GRM7: variants seen among roughly 807,000 people sequenced by gnomAD.
The protein encoded by GRM7 is glutamate metabotropic receptor 7.
GRM7 carries 35 observed loss-of-function variants against 84.5 expected under a neutral mutation model. The observed-to-expected ratio is 0.41, with a 90% confidence interval of 0.32 to 0.55. GRM7 has a LOEUF of 0.55. GRM7 is among the 20% of genes least tolerant of loss of function. The pLI is 0.19. For missense variants in GRM7, 1,003 were observed against 1,194.6 expected (o/e 0.84, Z 2.36); for synonymous variants, 487 against 455.1 (o/e 1.07, Z -0.89).
chr3:7,177,897 A>G (rs1461768847), intron 2 of GRM7, among the ~76,000 whole-genome samples: 1 of 152,210 alleles, frequency 6.6e-6, no homozygotes, highest in Non-Finnish European at 1.5e-5. Flanking sequence ...TTAAAATTTC[A>G]ATAGTAATGT....
At chr3:7,398,890 T>C (rs1695329299) in intron 4 of GRM7, among the ~76,000 whole-genome samples, 1 of 152,042 alleles carries the variant, frequency 6.6e-6, no homozygotes, top group African/African-American at 2.4e-5. Flanking sequence ...TCCTCCCTCT[T>C]TCTACTTCTC....
chr3:6,921,216 G>T (rs908416427), intron 1 of GRM7, among the ~76,000 whole-genome samples: 2 of 152,232 alleles, frequency 1.3e-5, no homozygotes, highest in African/African-American at 4.8e-5. Flanking sequence ...TTGGGAGCAT[G>T]CCCAATGTGA....
intron 1 of GRM7, among the ~76,000 whole-genome samples, chr3:6,998,463 A>G (rs1028805389): frequency 1.3e-5 from 2 of 152,080 alleles, no homozygotes; most frequent in Admixed American, 1.3e-4. Flanking sequence ...CAGTGGATCT[A>G]CCATTCTGAG....
intron 7 of GRM7, among the ~76,000 whole-genome samples, chr3:7,517,487 G>A (rs1700436491): frequency 6.6e-6 from 1 of 151,958 alleles, no homozygotes; most frequent in South Asian, 2.1e-4. Flanking sequence ...CCACCTCCCG[G>A]GTTCAAGGGA....
chr3:6,966,434 G>A (rs1693521980), intron 1 of GRM7, among the ~76,000 whole-genome samples: 1 of 152,190 alleles, frequency 6.6e-6, no homozygotes, highest in South Asian at 2.1e-4. Flanking sequence ...CTAATAAACA[G>A]AAGCTGTTAT....
Position 6,863,236 on chromosome 3 carries a change from A to G in GRM7, c.519+1329A>G, listed in dbSNP as rs1694824654. On this transcript the variant is annotated intron_variant, in intron 1 of 9. Transcript: ENST00000357716. This position sits in a 1 kb window ranked among gnomAD's most constrained non-coding sequence, Gnocchi z 4.8. ...CTCCGTATTAAAATGACCCTTTTCC[A>G]GTGCATAGCGGCTCTCTCCCTGGCT... Among the ~76,000 whole-genome samples the G allele has an allele frequency of 6.6e-6, 1 of 151,208 alleles. No individual in the cohort carries two copies. Among genetic ancestry groups the G allele is most frequent in the South Asian group, 2.1e-4 (1 of 4,810 alleles).
At chr3:7,698,318 A>G (rs1271119879) in intron 9 of GRM7, among the ~76,000 whole-genome samples, 1 of 152,202 alleles carries the variant, frequency 6.6e-6, no homozygotes, top group Non-Finnish European at 1.5e-5. Context: ...TGTGGCACAT[A>G]TTGGGTTCTT....
chr3:7,037,543 T>C (rs1696429031), intron 1 of GRM7, among the ~76,000 whole-genome samples: 1 of 152,146 alleles, frequency 6.6e-6, no homozygotes, highest in South Asian at 2.1e-4. Context: ...AGTTATTACT[T>C]TTCTCACCTT....
chr3:6,959,770 A>G (rs1693218451), intron 1 of GRM7, among the ~76,000 whole-genome samples: 1 of 152,204 alleles, frequency 6.6e-6, no homozygotes, highest in African/African-American at 2.4e-5. Flanking sequence ...ATGGATCATC[A>G]GCCCATAATC....
intron 1 of GRM7, among the ~76,000 whole-genome samples, chr3:6,938,678 C>A (rs541514444): frequency 6.6e-6 from 1 of 152,150 alleles, no homozygotes; most frequent in Non-Finnish European, 1.5e-5. Flanking sequence ...CCCATTCTCA[C>A]ATTTCTTAAT....
rs1194497482 is a variant in GRM7 at position 7,146,600 on chromosome 3, C to T, written c.668C>T (p.Thr223Ile). Residue 223 changes from threonine to isoleucine, a missense_variant, in exon 2 of 10, where the codon ACC becomes ATC. Thr to Ile is a moderately conservative substitution (Grantham distance 89, BLOSUM62 -1). Coordinates refer to ENST00000357716, the MANE Select transcript of GRM7 (RefSeq NM_000844.4). ...GCCCTAGGCTGGAATTATGTGTCTA[C>T]CCTCGCATCGGAAGGAAGTTATGGA... The part of the protein sequence containing the change: ...VKALGWNYVS[T>I]LASEGSYGEK... 3 of 1,614,006 alleles carry T rather than the reference C, an allele frequency of 1.9e-6. No homozygotes were observed. Among genetic ancestry groups the T allele is most frequent in the South Asian group, 2.2e-5 (2 of 91,076 alleles).
chr3:6,922,541 C>G (rs1449207201), intron 1 of GRM7, among the ~76,000 whole-genome samples: 1 of 152,142 alleles, frequency 6.6e-6, no homozygotes, highest in Admixed American at 6.6e-5. Flanking sequence ...TTAAATTTAT[C>G]ACTTCTTTTA....
intron 2 of GRM7, among the ~76,000 whole-genome samples, chr3:7,294,456 C>G (rs1297094310): frequency 6.6e-6 from 1 of 151,974 alleles, no homozygotes; most frequent in African/African-American, 2.4e-5. Context: ...CGCCATTGCC[C>G]AGGGATATGT....
At chr3:7,323,649 A>G (rs1003520427) in intron 4 of GRM7, among the ~76,000 whole-genome samples, 7 of 152,136 alleles carry the variant, frequency 4.6e-5, no homozygotes, top group African/African-American at 9.7e-5. Context: ...TCTTTGAGAT[A>G]TTAGAAAAAT....
chr3:7,533,239 A>G (rs552739539), intron 7 of GRM7, among the ~76,000 whole-genome samples: 1 of 152,292 alleles, frequency 6.6e-6, no homozygotes, highest in East Asian at 1.9e-4. Flanking sequence ...TGACCACATA[A>G]TTAGAAGTGA....
intron 7 of GRM7, among the ~76,000 whole-genome samples, chr3:7,477,667 C>T (rs975378556): frequency 1.8e-4 from 28 of 152,158 alleles, no homozygotes; most frequent in Non-Finnish European, 3.7e-4. Context: ...TTGATGTGAT[C>T]AACGCGAAGA....
At chr3:7,105,109 C>G (rs1374546498) in intron 1 of GRM7, among the ~76,000 whole-genome samples, 5 of 151,748 alleles carry the variant, frequency 3.3e-5, no homozygotes, top group African/African-American at 1.2e-4. Context: ...AGGCCTATAT[C>G]TGAAATATTC....
intron 2 of GRM7, among the ~76,000 whole-genome samples, chr3:7,205,347 G>A (rs889923451): frequency 1.1e-4 from 17 of 152,184 alleles, no homozygotes; most frequent in Non-Finnish European, 1.5e-5. Flanking sequence ...AATAATTTGG[G>A]AAAGATCTTT....
chr3:7,223,156 T>C (rs545684568), intron 2 of GRM7, among the ~76,000 whole-genome samples: 1 of 152,314 alleles, frequency 6.6e-6, no homozygotes, highest in South Asian at 2.1e-4. Context: ...GTAAGATCTT[T>C]GCATCAGCAT....
Sources: allele counts gnomAD v4.1 joint callset (sites outside exome capture counted in the v4.1 genomes callset), GRCh38; gene constraint gnomAD v4.1.1; non-coding constraint Gnocchi (gnomAD v3.1); transcripts MANE v1.5; gene names NCBI Gene and HGNC (gene_info 2026-07-23, HGNC 2026-07-21).